PPP3CA: variants seen among roughly 807,000 people sequenced by gnomAD.
PPP3CA encodes the protein protein phosphatase 3 catalytic subunit alpha.
A neutral mutation model predicts 66.5 loss-of-function variants in PPP3CA; 14 were observed. The ratio of observed to expected loss-of-function variants is 0.21; its 90% CI spans 0.14 to 0.33. The LOEUF (loss-of-function observed/expected upper bound fraction) is 0.33. PPP3CA is among the 10% of genes least tolerant of loss of function. The pLI is 1.00. For missense variants in PPP3CA, 317 were observed against 639.5 expected (o/e 0.50, Z 5.44); for synonymous variants, 232 against 226.2 (o/e 1.03, Z -0.23).
chr4:101,276,948 A>G (rs1339213123), intron 1 of PPP3CA, among the ~76,000 whole-genome samples: 1 of 151,856 alleles, frequency 6.6e-6, no homozygotes, highest in South Asian at 2.1e-4. Flanking sequence ...ATTTCAACAA[A>G]TGTATAATGA....
intron 13 of PPP3CA, among the ~76,000 whole-genome samples, chr4:101,027,684 A>G (rs1400829421): frequency 6.6e-6 from 1 of 152,186 alleles, no homozygotes; most frequent in Admixed American, 6.5e-5. Context: ...AACAGGTATA[A>G]AAGTTTGTCA....
chr4:101,123,551 C>G (rs1195038592), intron 2 of PPP3CA, among the ~76,000 whole-genome samples: 1 of 152,126 alleles, frequency 6.6e-6, no homozygotes, highest in Non-Finnish European at 1.5e-5. Context: ...AAGGGACAGG[C>G]CAGGCACAGT....
At chr4:101,286,627 A>G (rs1006321135) in intron 1 of PPP3CA, among the ~76,000 whole-genome samples, 1 of 152,358 alleles carries the variant, frequency 6.6e-6, no homozygotes, top group African/African-American at 2.4e-5. Flanking sequence ...CCAAACTCAT[A>G]GCATCTGCTA....
chr4:101,215,247 T>G (rs1384613396), intron 1 of PPP3CA, among the ~76,000 whole-genome samples: 1 of 152,092 alleles, frequency 6.6e-6, no homozygotes, highest in Admixed American at 6.6e-5. Context: ...AAATCTGTTT[T>G]CAAAGTTTTA....
chr4:101,159,666 A>G (rs1723438429), intron 2 of PPP3CA, among the ~76,000 whole-genome samples: 1 of 152,148 alleles, frequency 6.6e-6, no homozygotes, highest in Non-Finnish European at 1.5e-5. Context: ...AATCCTCATA[A>G]TGCCCCTAGT....
At chr4:101,184,330 G>A (rs1488523291) in intron 2 of PPP3CA, among the ~76,000 whole-genome samples, 5 of 152,188 alleles carry the variant, frequency 3.3e-5, no homozygotes, top group Admixed American at 6.5e-5. Flanking sequence ...CCCTGCACTT[G>A]ATTCCTGCGG....
chr4:101,100,071 TA>T (rs1168326583), intron 3 of PPP3CA, among the ~76,000 whole-genome samples: 1 of 151,780 alleles, frequency 6.6e-6, no homozygotes, highest in Non-Finnish European at 1.5e-5. Flanking sequence ...ATACTAGAAA[TA>T]AAAATATACT....
chr4:101,346,878 C>CGCCGCCGCT lies in PPP3CA; in HGVS notation c.-83_-82insAGCGGCGGC. 1.9e-6 allele frequency: 2 copies of CGCCGCCGCT among 1,040,054 alleles called. No individual in the cohort carries two copies. Among genetic ancestry groups the CGCCGCCGCT allele is most frequent in the Non-Finnish European group, 2.6e-6 (2 of 782,982 alleles). The allele number at this position is 1,040,054 out of a possible 1,614,324, so 64.4% of individuals were successfully genotyped here. A position where few individuals can be genotyped will look rare whatever the true frequency, so the allele number is the denominator to read the frequency against. On this transcript the variant is annotated 5_prime_UTR_variant, in exon 1 of 14. Coordinates refer to ENST00000394854, the MANE Select transcript of PPP3CA (RefSeq NM_000944.5). ...CCGGACCGGCGGGCCAGACACTCAA[C>CGCCGCCGCT]GCCGCCGCCGCCGCCGCCGCCGCCG...
At chr4:101,246,687 TAC>T (rs1369521924) in intron 1 of PPP3CA, among the ~76,000 whole-genome samples, 1 of 152,184 alleles carries the variant, frequency 6.6e-6, no homozygotes, top group African/African-American at 2.4e-5. Context: ...GTTTTACACA[TAC>T]ACACACAGTG....
At chr4:101,045,565 A>G (rs1727726962) in intron 10 of PPP3CA, among the ~76,000 whole-genome samples, 2 of 152,184 alleles carry the variant, frequency 1.3e-5, no homozygotes, top group Non-Finnish European at 2.9e-5. Flanking sequence ...TTCTCCATAG[A>G]GATTTTTTAA....
intron 1 of PPP3CA, among the ~76,000 whole-genome samples, chr4:101,321,427 T>C (rs1245087505): frequency 6.6e-6 from 1 of 152,218 alleles, no homozygotes; most frequent in East Asian, 1.9e-4. Flanking sequence ...CAATATTACA[T>C]CACTAAAACA....
chr4:101,233,020 G>A (rs1726011553), intron 1 of PPP3CA, among the ~76,000 whole-genome samples: 1 of 106,176 alleles, frequency 9.4e-6, no homozygotes, highest in African/African-American at 2.6e-5. Context: ...ATACAAATGA[G>A]ATTTTGCTTT....
At chr4:101,232,525 T>C (rs1045729134) in intron 1 of PPP3CA, among the ~76,000 whole-genome samples, 1 of 151,788 alleles carries the variant, frequency 6.6e-6, no homozygotes, top group Non-Finnish European at 1.5e-5. Context: ...TTATCTCTAG[T>C]TGGAAGGCCT....
intron 2 of PPP3CA, among the ~76,000 whole-genome samples, chr4:101,137,850 G>T (rs1281887887): frequency 4.0e-5 from 6 of 150,012 alleles, no homozygotes; most frequent in Non-Finnish European, 8.9e-5. Flanking sequence ...ACATAAATTT[G>T]GGAAGCTCAT....
chr4:101,330,660 T>C (rs1729355931), intron 1 of PPP3CA, among the ~76,000 whole-genome samples: 1 of 152,056 alleles, frequency 6.6e-6, no homozygotes, highest in Admixed American at 6.6e-5. Flanking sequence ...GTCTGGAATA[T>C]CTCCAAACCG....
chr4:101,080,748 A>G, intron 7 of PPP3CA, 122 bp from the exon 8 acceptor site: 2 of 445,416 alleles, frequency 4.5e-6, no homozygotes, highest in Non-Finnish European at 7.7e-6. Flanking sequence ...CTCCAATCAT[A>G]TAACACTAAA....
intron 2 of PPP3CA, among the ~76,000 whole-genome samples, chr4:101,169,915 C>T (rs1723820053): frequency 6.6e-6 from 1 of 152,074 alleles, no homozygotes; most frequent in Admixed American, 6.6e-5. Context: ...AAAGACTGTT[C>T]ATTTTACAGT....
At chr4:101,104,356 G>A (rs927402856) in intron 3 of PPP3CA, among the ~76,000 whole-genome samples, 3 of 152,084 alleles carry the variant, frequency 2.0e-5, no homozygotes, top group Admixed American at 6.5e-5. Context: ...TATATCTAAT[G>A]CTTTGATCTT....
At chr4:101,159,249 T>TA (rs928042251) in intron 2 of PPP3CA, among the ~76,000 whole-genome samples, 4 of 152,116 alleles carry the variant, frequency 2.6e-5, no homozygotes, top group African/African-American at 9.7e-5. Flanking sequence ...AAGTAGATTC[T>TA]AAAAAAACAG....
Sources: gnomAD v4.1 joint callset for allele counts (sites outside exome capture counted in the v4.1 genomes callset) on GRCh38, gnomAD v4.1.1 for gene constraint, MANE v1.5 for transcripts, NCBI Gene and HGNC (gene_info 2026-07-23, HGNC 2026-07-21) for gene names.